AHSG: variants seen among roughly 807,000 people sequenced by gnomAD.
AHSG encodes the protein alpha-2-HS-glycoprotein.
In AHSG, 23 loss-of-function variants were observed where a neutral mutation model predicts 30.1. That is an observed-to-expected ratio of 0.76 (90% CI 0.55 to 1.08). AHSG has a LOEUF of 1.08. AHSG is among the 50% of genes least tolerant of loss of function. The pLI is 0.00. For missense variants in AHSG, 469 were observed against 459.5 expected (o/e 1.02, Z -0.19); for synonymous variants, 164 against 186.3 (o/e 0.88, Z 0.98).
In AHSG at chr3:186,615,795, T is replaced by G. The variant is rs568116304; in HGVS notation, c.324T>G (p.His108Gln). ...ARCSVRQLKE[H>Q]AVEGDCDFQL... ...GCAGCGTGAGGCAGCTGAAGGAGCA[T>G]GTGAGTACCCTTCTTAGGATGACTG... The change falls in exon 2 of 7, where the codon CAT becomes CAG. Residue 108 changes from histidine (H) to glutamine (Q), a missense_variant and splice_region_variant. By Grantham distance (24) the His-to-Gln change is conservative (BLOSUM62 0). Transcript: ENST00000411641. The G allele has an allele frequency of 2.8e-5, 45 of 1,613,736 alleles. No individual in the cohort carries two copies. Among genetic ancestry groups the G allele is most frequent in the Middle Eastern group, 1.6e-4 (1 of 6,062 alleles).
intron 1 of AHSG, among the ~76,000 whole-genome samples, chr3:186,614,106 C>G (rs1233428422): frequency 6.6e-6 from 1 of 152,084 alleles, no homozygotes; most frequent in African/African-American, 2.4e-5. Flanking sequence ...AGGAAACCAA[C>G]GCAGCTTGAA....
At chr3:186,619,089 G>A (rs554387413) in intron 5 of AHSG, among the ~76,000 whole-genome samples, 180 of 152,260 alleles carry the variant, frequency 1.2e-3, no homozygotes, top group African/African-American at 4.1e-3. Flanking sequence ...GAGGTCAGGA[G>A]ATCGAGACCA....
At chr3:186,613,750 A>T (rs914737848) in intron 1 of AHSG, among the ~76,000 whole-genome samples, 1 of 152,150 alleles carries the variant, frequency 6.6e-6, no homozygotes, top group African/African-American at 2.4e-5. Context: ...AGAATGAATA[A>T]AACTAGCATC....
At chr3:186,619,302 A>C (rs1716404197) in intron 5 of AHSG, among the ~76,000 whole-genome samples, 1 of 152,178 alleles carries the variant, frequency 6.6e-6, no homozygotes, top group South Asian at 2.1e-4. Context: ...GTCTCAAGAA[A>C]AAAAGAAAAA....
chr3:186,616,669 T>A (rs1716314199), intron 3 of AHSG, 142 bp downstream of exon 3: 3 of 765,024 alleles, frequency 3.9e-6, no homozygotes, highest in East Asian at 5.7e-5. Context: ...CTGGGATTTT[T>A]AAAATTGTGT....
chr3:186,617,107 T>C, intron 3 of AHSG, 80 bp from the exon 4 acceptor site: 1 of 1,546,272 alleles, frequency 6.5e-7, no homozygotes, highest in Non-Finnish European at 8.7e-7. Context: ...GGGAATGCCT[T>C]AGCCCTTGCT....
chr3:186,616,605 G>T, intron 3 of AHSG, 78 bp downstream of exon 3: 1 of 1,247,374 alleles, frequency 8.0e-7, no homozygotes, highest in Non-Finnish European at 1.1e-6. Context: ...TTCAACTTAA[G>T]TAGTTCTAGC....
At position 186,619,498 on chromosome 3, in the gene AHSG, G is replaced by C. The variant is rs566236218; in HGVS notation, c.676-359G>C. 2.0e-3 allele frequency among the ~76,000 whole-genome samples: 305 copies of C among 152,184 alleles called. 1 individual carries two copies. Among genetic ancestry groups the C allele is most frequent in the African/African-American group, 6.9e-3 (288 of 41,514 alleles). ...ATTGTGTTTTCAAGGAATAATGAAT[G>C]ATATGAGAAAATGCTATTATGGCAA... On this transcript the variant is annotated intron_variant, in intron 5 of 6. Transcript: ENST00000411641.
chr3:186,618,593 A>G lies in AHSG; in HGVS notation c.631A>G (p.Lys211Glu). The change falls in exon 5 of 7, where the codon AAA becomes GAA. Residue 211 changes from lysine to glutamate, a missense_variant. Coordinates refer to ENST00000411641, the MANE Select transcript of AHSG (RefSeq NM_001622.4). ...AGTGTCTGGCACTGACTGTGTTGCT[A>G]AAGAGGCCACAGAGGCAGCCAAGTG... ...FTVSGTDCVA[K>E]EATEAAKCNL... 2 of 1,614,116 alleles carry G rather than the reference A, an allele frequency of 1.2e-6. No individual in the cohort carries two copies. The highest frequency in any genetic ancestry group is 1.1e-5 in the South Asian group (1 of 91,082).
At position 186,618,555 on chromosome 3, in the gene AHSG, A is replaced by C. The variant is rs779633971; in HGVS notation, c.593A>C (p.Tyr198Ser). The C allele has an allele frequency of 1.1e-5, 18 of 1,613,568 alleles. No homozygotes were observed. The African/African-American group carries it at 1.9e-4, about 17-fold the overall frequency. The change falls in exon 5 of 7, where the codon TAT (tyrosine) becomes TCT (serine). Residue 198 changes from tyrosine (Y) to serine (S), a missense_variant. Transcript: ENST00000411641. Reference sequence around the variant, plus strand: ...TCTCAGCCCCTCCCACCTTCTACCTATGTGGAGTTTACAGTGTCTGGCACT... The same window carrying C: ...TCTCAGCCCCTCCCACCTTCTACCTCTGTGGAGTTTACAGTGTCTGGCACT... ...AQLVPLPPST[Y>S]VEFTVSGTDC... is the part of the protein sequence containing the mutation.
chr3:186,614,349 T>C (rs1007928054), intron 1 of AHSG, among the ~76,000 whole-genome samples: 1 of 152,212 alleles, frequency 6.6e-6, no homozygotes, highest in African/African-American at 2.4e-5. Context: ...AACCAAATAT[T>C]GGCCGTTTTA....
chr3:186,614,713 C>T (rs977997428), intron 1 of AHSG, among the ~76,000 whole-genome samples: 6 of 152,238 alleles, frequency 3.9e-5, no homozygotes, highest in African/African-American at 1.4e-4. Context: ...TACCCGGTTC[C>T]TGTTCGCCAG....
chr3:186,621,059 A>G lies in AHSG; in HGVS notation c.*129A>G, dbSNP rs889693566. The stretch of plus-strand genomic sequence containing the variant: ...GTCACATGCGATCTACATTAATATC[A>G]AGTCTTGACTCCCTACTTCCCGTCA... On this transcript the variant is annotated 3_prime_UTR_variant, in exon 7 of 7. Coordinates refer to ENST00000411641, the MANE Select transcript of AHSG (RefSeq NM_001622.4). 1 of 854,212 alleles carries G rather than the reference A, an allele frequency of 1.2e-6. No individual in the cohort carries two copies. Among genetic ancestry groups the G allele is most frequent in the African/African-American group, 1.7e-5 (1 of 59,044 alleles). The allele number at this position is 854,212 out of a possible 1,614,324, so 52.9% of individuals were successfully genotyped here.
intron 1 of AHSG, among the ~76,000 whole-genome samples, chr3:186,613,709 CT>C (rs1173041347): frequency 6.6e-6 from 1 of 152,172 alleles, no homozygotes; most frequent in Non-Finnish European, 1.5e-5. Context: ...ACGTATCTGT[CT>C]TTGGTTTGGT....
At chr3:186,619,509 A>G (rs938076605) in intron 5 of AHSG, among the ~76,000 whole-genome samples, 3 of 152,180 alleles carry the variant, frequency 2.0e-5, no homozygotes, top group Non-Finnish European at 4.4e-5. Flanking sequence ...ATATGAGAAA[A>G]TGCTATTATG....
chr3:186,618,497 T>C, intron 4 of AHSG, 39 bp from the exon 5 acceptor site: 1 of 1,601,436 alleles, frequency 6.2e-7, no homozygotes, highest in Non-Finnish European at 8.6e-7. Context: ...TCATTGTAAG[T>C]CATCTTTCCT....
chr3:186,619,461 C>T lies in AHSG; in HGVS notation c.676-396C>T, dbSNP rs528192959. On this transcript the variant is annotated intron_variant, in intron 5 of 6. Transcript: ENST00000411641. The stretch of plus-strand genomic sequence containing the variant: ...GCACATCAGTAAATAGAAAATTGTG[C>T]AGACACTAAAAATTGTGTTTTCAAG... Among the ~76,000 whole-genome samples the T allele has an allele frequency of 4.6e-5, 7 of 152,104 alleles. No homozygotes were observed. In the South Asian group the frequency reaches 1.5e-3, roughly 32 times the overall value.
intron 5 of AHSG, 111 bp from the exon 6 acceptor site, chr3:186,619,746 A>C (rs1716418698): frequency 2.6e-6 from 2 of 767,564 alleles, no homozygotes; most frequent in African/African-American, 1.8e-5. Context: ...CAGAAACTAT[A>C]ACTTTAAGAA....
At position 186,620,784 on chromosome 3, in the gene AHSG, T is replaced by G. The variant is rs1716463405; in HGVS notation, c.958T>G (p.Phe320Val). The change falls in exon 7 of 7, where the codon TTC (phenylalanine) becomes GTC (valine). Residue 320 changes from phenylalanine to valine, a missense_variant. Physicochemically the swap from Phe to Val is conservative, Grantham distance 50 (BLOSUM62 -1). Coordinates refer to ENST00000411641, the MANE Select transcript of AHSG (RefSeq NM_001622.4). ...GGCGCACTACGACCTGCGCCACACC[T>G]TCATGGGTGTGGTCTCATTGGGGTC... ...HRAHYDLRHT[F>V]MGVVSLGSPS... 3 of 1,614,126 alleles carry G rather than the reference T, an allele frequency of 1.9e-6. No homozygotes were observed. The East Asian group carries it at 6.7e-5, about 36-fold the overall frequency.
Sources: gnomAD v4.1 joint callset for allele counts (sites outside exome capture counted in the v4.1 genomes callset) on GRCh38, gnomAD v4.1.1 for gene constraint, MANE v1.5 for transcripts, NCBI Gene and HGNC (gene_info 2026-07-23, HGNC 2026-07-21) for gene names.